ATP2A1: variants seen among roughly 807,000 people sequenced by gnomAD.
ATP2A1 encodes the protein ATPase sarcoplasmic/endoplasmic reticulum Ca2+ transporting 1.
ATP2A1 carries 83 observed loss-of-function variants against 109.5 expected under a neutral mutation model. The observed-to-expected ratio is 0.76, with a 90% confidence interval of 0.63 to 0.91. The LOEUF (loss-of-function observed/expected upper bound fraction) is 0.91, where lower values mean the gene tolerates loss of function less well. ATP2A1 is among the 40% of genes least tolerant of loss of function. The pLI, the probability that ATP2A1 is intolerant of heterozygous loss-of-function variation, is 0.00. For missense variants in ATP2A1, 1,101 were observed against 1,341.0 expected, an observed-to-expected ratio of 0.82 and a Z score of 2.80; for synonymous variants, 505 against 537.6, an observed-to-expected ratio of 0.94 and a Z score of 0.84.
At chr16:28,889,595 G>C (rs896226522) in intron 9 of ATP2A1, among the ~76,000 whole-genome samples, 1 of 152,114 alleles carries the variant, frequency 6.6e-6, no homozygotes, top group Non-Finnish European at 1.5e-5. Flanking sequence ...GCCTCTGAGA[G>C]ATTAAATGAC....
intron 15 of ATP2A1, among the ~76,000 whole-genome samples, chr16:28,901,587 T>C (rs1171779401): frequency 6.6e-6 from 1 of 151,790 alleles, no homozygotes; most frequent in Non-Finnish European, 1.5e-5. Context: ...GAGCTGAGAT[T>C]GCGCCACTGC....
intron 15 of ATP2A1, 114 bp from the exon 16 acceptor site, chr16:28,901,749 G>A: frequency 1.1e-6 from 1 of 931,460 alleles, no homozygotes; most frequent in African/African-American, 1.6e-5. Context: ...TTGAGCCCAG[G>A]AGTTCAAGAC....
chr16:28,904,122 G>A (rs1964177547), intron 22 of ATP2A1, 58 bp from the exon 23 acceptor site: 3 of 1,480,156 alleles, frequency 2.0e-6, no homozygotes, highest in Non-Finnish European at 2.8e-6. Flanking sequence ...AGATGCACCT[G>A]GGAGGGACCT....
At chr16:28,894,390 C>A in intron 10 of ATP2A1, 115 bp from the exon 11 acceptor site, 1 of 1,295,284 alleles carries the variant, frequency 7.7e-7, no homozygotes, top group Non-Finnish European at 1.1e-6. Context: ...CGAGTTGGCT[C>A]TCCCCACTGT....
rs113332351 is a variant in ATP2A1, at chr16:28,898,752, A to T, written c.1764+301A>T. Reference sequence around the variant, plus strand: ...GAACCCCATCTCTATTAAAAAAAAAATTTTTTTAATTACCTGGTTAAATTC... The same window carrying T: ...GAACCCCATCTCTATTAAAAAAAAATTTTTTTTAATTACCTGGTTAAATTC... On this transcript the variant is annotated intron_variant, in intron 14 of 22. Transcript: ENST00000395503. The surrounding 1 kb of genome is among the most constrained non-coding windows in gnomAD (Gnocchi z 4.0). Among the ~76,000 whole-genome samples the T allele has an allele frequency of 2.7e-3, 416 of 151,498 alleles. 1 individual carries two copies. The highest frequency in any genetic ancestry group is 5.4e-3 in the African/African-American group (223 of 41,322).
chr16:28,902,497 G>A lies in ATP2A1; in HGVS notation c.2525-83G>A. 2 of 1,566,636 alleles carry A rather than the reference G, an allele frequency of 1.3e-6. No individual in the cohort carries two copies. Among genetic ancestry groups the A allele is most frequent in the East Asian group, 2.3e-5 (1 of 44,426 alleles). ...GAGGGTCTTCTTCCTTGGCCAGCCT[G>A]TCCATGGCCACATGAGGCCCTCAAC... On this transcript the variant is annotated intron_variant, in intron 17 of 22. Transcript: ENST00000395503. This position sits in a 1 kb window ranked among gnomAD's most constrained non-coding sequence, Gnocchi z 4.8.
At position 28,902,767 on chromosome 16, in the gene ATP2A1, C is replaced by G. The variant is rs149389025; in HGVS notation, c.2611-11C>G. On this transcript the variant is annotated splice_polypyrimidine_tract_variant and intron_variant, in intron 18 of 22. Coordinates refer to ENST00000395503, the MANE Select transcript of ATP2A1 (RefSeq NM_004320.6). This position sits in a 1 kb window ranked among gnomAD's most constrained non-coding sequence, Gnocchi z 4.8. Reference sequence around the variant, plus strand: ...GGCCCTGGACCTCAGTCTCCCGTACCTTCCCTGCAGACTCACTTCATGCAG... The same window carrying G: ...GGCCCTGGACCTCAGTCTCCCGTACGTTCCCTGCAGACTCACTTCATGCAG... The G allele has an allele frequency of 1.2e-3, 1,928 of 1,613,772 alleles. 24 individuals are homozygous for G. In the African/African-American group the frequency reaches 0.023, roughly 19 times the overall value.
chr16:28,882,549 GGCTCGGGACATCGTCCCTGGGGACATC>G lies in ATP2A1; in HGVS notation c.425_451del (p.Ala142_Ile150del). The G allele has an allele frequency of 4.3e-6, 7 of 1,614,230 alleles. No homozygotes were observed. Among genetic ancestry groups the G allele is most frequent in the Non-Finnish European group, 5.9e-6 (7 of 1,180,020 alleles). Reference sequence around the variant, plus strand: ...ACCGCAAGTCAGTGCAAAGGATCAAGGCTCGGGACATCGTCCCTGGGGACATCGTGGAGGTGGCTGGTGAGTGACAGG... The same window carrying G: ...ACCGCAAGTCAGTGCAAAGGATCAAGGTGGAGGTGGCTGGTGAGTGACAGG... On this transcript the variant is annotated inframe_deletion, in exon 5 of 23. Coordinates refer to ENST00000395503, the MANE Select transcript of ATP2A1 (RefSeq NM_004320.6).
Position 28,888,817 on chromosome 16 carries a change from C to T in ATP2A1, c.959C>T (p.Ala320Val), listed in dbSNP as rs1472760416. 1 of 1,612,442 alleles carries T rather than the reference C, an allele frequency of 6.2e-7. No homozygotes were observed. Among genetic ancestry groups the T allele is most frequent in the Non-Finnish European group, 8.5e-7 (1 of 1,179,476 alleles). Residue 320 changes from alanine to valine, a missense_variant, in exon 9 of 23, where the codon GCC (alanine) becomes GTC (valine). Coordinates refer to ENST00000395503, the MANE Select transcript of ATP2A1 (RefSeq NM_004320.6). ...GLPAVITTCL[A>V]LGTRRMAKKN... ...CCTGCAGTCATCACCACCTGCCTGG[C>T]CCTGGGTACCCGTCGGATGGCAAAG...
Position 28,879,860 on chromosome 16 carries a change from TACCCACCCGAACTCCGGGCTCCGGG to T in ATP2A1, c.219+278_219+302del, listed in dbSNP as rs1269789293. The T allele has an allele frequency of 2.5e-5, 14 of 559,554 alleles. No homozygotes were observed. In the Admixed American group the frequency reaches 5.8e-4, roughly 23 times the overall value. The allele number at this position is 559,554 out of a possible 1,614,324, so 34.7% of individuals were successfully genotyped here. ...CTTCAAGAGCTTGGAGAGCTCGGGT[TACCCACCCGAACTCCGGGCTCCGGG>T]TCCCGCCGCGATGCCGGCTGCGGCG... On this transcript the variant is annotated intron_variant, in intron 3 of 22. Coordinates refer to ENST00000395503, the MANE Select transcript of ATP2A1 (RefSeq NM_004320.6).
chr16:28,902,351 G>A lies in ATP2A1; in HGVS notation c.2489G>A (p.Ser830Asn). 1 of 1,614,048 alleles carries A rather than the reference G, an allele frequency of 6.2e-7. No homozygotes were observed. The highest frequency in any genetic ancestry group is 1.1e-5 in the South Asian group (1 of 91,070). ...CGGAGCCCCAAGGAGCCCCTCATCAGTGGCTGGCTCTTCTTCCGCTACATG... is the reference window on the plus strand; with the variant it reads ...CGGAGCCCCAAGGAGCCCCTCATCAATGGCTGGCTCTTCTTCCGCTACATG... ...PPRSPKEPLI[S>N]GWLFFRYMAI... Residue 830 changes from serine (S) to asparagine (N), a missense_variant, in exon 17 of 23, where the codon AGT (serine) becomes AAT (asparagine). Transcript: ENST00000395503. This position sits in a 1 kb window ranked among gnomAD's most constrained non-coding sequence, Gnocchi z 4.8.
chr16:28,898,531 CG>C lies in ATP2A1; in HGVS notation c.1764+82del, dbSNP rs1963982008. On this transcript the variant is annotated intron_variant, in intron 14 of 22. Transcript: ENST00000395503. This position sits in a 1 kb window ranked among gnomAD's most constrained non-coding sequence, Gnocchi z 4.0. The stretch of plus-strand genomic sequence containing the variant: ...GCCATCCACTCACAGCTCCACCACC[CG>C]GATCATTTCCTACCTCGTCAGTCAA... 6.9e-7 allele frequency: 1 copy of C among 1,452,160 alleles called. No individual in the cohort carries two copies. Among genetic ancestry groups the C allele is most frequent in the Admixed American group, 1.9e-5 (1 of 51,342 alleles). The allele number at this position is 1,452,160 out of a possible 1,614,324, so 90.0% of individuals were successfully genotyped here. A position where few individuals can be genotyped will look rare whatever the true frequency, so the allele number is the denominator to read the frequency against.
chr16:28,894,384 T>C (rs778879696), intron 10 of ATP2A1, 121 bp from the exon 11 acceptor site: 2 of 1,283,016 alleles, frequency 1.6e-6, no homozygotes, highest in East Asian at 2.5e-5. Context: ...GATATCCGAG[T>C]TGGCTCTCCC....
intron 15 of ATP2A1, among the ~76,000 whole-genome samples, chr16:28,901,538 C>T (rs1163607856): frequency 6.6e-6 from 1 of 152,132 alleles, no homozygotes. Context: ...GAGGCTGAGA[C>T]AGAAGAACTG....
At chr16:28,884,719 G>A (rs1459150789) in intron 6 of ATP2A1, 64 bp downstream of exon 6, 2 of 1,441,620 alleles carry the variant, frequency 1.4e-6, no homozygotes, top group East Asian at 4.7e-5. Context: ...GCAACAAGGG[G>A]GAGGTGAGTG....
Position 28,887,405 on chromosome 16 carries a change from C to T in ATP2A1, c.631-20C>T, listed in dbSNP as rs1265707290. 10 of 1,613,954 alleles carry T rather than the reference C, an allele frequency of 6.2e-6. No individual in the cohort carries two copies. Among genetic ancestry groups the T allele is most frequent in the Admixed American group, 1.7e-5 (1 of 59,996 alleles). ...GGGTCACCTCTTGCCTGATTCCCTG[C>T]CTCCTCTTTCCCTTCCCAGGGCACC... On this transcript the variant is annotated intron_variant, in intron 7 of 22. Transcript: ENST00000395503.
At chr16:28,901,253 GCA>G (rs1190908338) in intron 15 of ATP2A1, among the ~76,000 whole-genome samples, 7 of 150,332 alleles carry the variant, frequency 4.7e-5, no homozygotes, top group Non-Finnish European at 8.8e-5. Flanking sequence ...GATCACTTGA[GCA>G]CAGTTTGAGG....
chr16:28,900,747 A>G lies in ATP2A1; in HGVS notation c.1931A>G (p.Glu644Gly). ...AICRRIGIFG[E>G]NEEVADRAYT... is the part of the protein sequence containing the mutation. ...TGCCGGCGAATTGGCATCTTTGGGGAGAACGAGGAGGTGGCCGATCGCGCC... is the reference window on the plus strand; with the variant it reads ...TGCCGGCGAATTGGCATCTTTGGGGGGAACGAGGAGGTGGCCGATCGCGCC... The change falls in exon 15 of 23, where the codon GAG (glutamate) becomes GGG (glycine). Residue 644 changes from glutamate (E) to glycine (G), a missense_variant. Glu to Gly is a moderately conservative substitution (Grantham distance 98). Coordinates refer to ENST00000395503, the MANE Select transcript of ATP2A1 (RefSeq NM_004320.6). The G allele has an allele frequency of 6.2e-7, 1 of 1,614,136 alleles. No individual in the cohort carries two copies.
intron 12 of ATP2A1, among the ~76,000 whole-genome samples, chr16:28,897,627 G>C (rs1414519626): frequency 6.6e-6 from 1 of 152,022 alleles, no homozygotes; most frequent in African/African-American, 2.4e-5. Context: ...TGCAATCTCT[G>C]CCCAGCTAAT....
Sources: gnomAD v4.1 joint callset for allele counts (sites outside exome capture counted in the v4.1 genomes callset) on GRCh38, gnomAD v4.1.1 for gene constraint, Gnocchi (gnomAD v3.1) non-coding constraint, MANE v1.5 for transcripts, NCBI Gene and HGNC (gene_info 2026-07-23, HGNC 2026-07-21) for gene names.